The following ACKR2 variants were observed in gnomAD, a reference collection of about 807,000 sequenced individuals.
ACKR2 encodes the protein C-C chemokine receptor D6.
For synonymous variants in ACKR2, 207 were observed against 192.2 expected, an observed-to-expected ratio of 1.08 and a Z score of -0.64; for missense variants, 457 against 477.3, an observed-to-expected ratio of 0.96 and a Z score of 0.40.
At chr3:42,821,120 G>T (rs909360942) in intron 2 of ACKR2, among the ~76,000 whole-genome samples, 1 of 152,098 alleles carries the variant, frequency 6.6e-6, no homozygotes, top group Non-Finnish European at 1.5e-5. Context: ...GCCTGACCTC[G>T]TGATCCACCC....
chr3:42,851,452 C>T, intron 2 of ACKR2: 1 of 985,332 alleles, frequency 1.0e-6, no homozygotes, highest in Non-Finnish European at 1.2e-6. Flanking sequence ...CATTCTGGCT[C>T]CGGTAGGTTA....
intron 2 of ACKR2, among the ~76,000 whole-genome samples, chr3:42,848,529 T>G (rs548010697): frequency 2.0e-4 from 30 of 152,234 alleles, no homozygotes; most frequent in Non-Finnish European, 2.8e-4. Flanking sequence ...AGCTCTTTCT[T>G]ATAATAGAAT....
At chr3:42,840,898 C>T (rs532379189) in intron 2 of ACKR2, among the ~76,000 whole-genome samples, 3 of 152,270 alleles carry the variant, frequency 2.0e-5, no homozygotes, top group East Asian at 1.9e-4. Flanking sequence ...TCATGTTGGC[C>T]AGACTGGTCT....
At chr3:42,856,093 TG>T in intron 2 of ACKR2, 1 of 411,532 alleles carries the variant, frequency 2.4e-6, no homozygotes, top group Non-Finnish European at 4.3e-6. Context: ...GTGTCCTTAC[TG>T]CTGCCCAGAA....
At chr3:42,833,342 TTTTG>T (rs147249738) in intron 2 of ACKR2, among the ~76,000 whole-genome samples, 79 of 152,270 alleles carry the variant, frequency 5.2e-4, no homozygotes, top group Non-Finnish European at 1.1e-3. Flanking sequence ...CAATGAGATA[TTTTG>T]TTTATTTTTA....
At chr3:42,812,943 C>T (rs1700710910) in intron 1 of ACKR2, among the ~76,000 whole-genome samples, 1 of 152,094 alleles carries the variant, frequency 6.6e-6, no homozygotes, top group Admixed American at 6.5e-5. Flanking sequence ...CCTGCCTCAG[C>T]CTCCCAAAGT....
intron 2 of ACKR2, chr3:42,856,313 G>T: frequency 1.4e-6 from 1 of 697,082 alleles, no homozygotes; most frequent in Admixed American, 2.1e-5. Flanking sequence ...AGGAGCCCAA[G>T]GGTGGGGCAG....
At chr3:42,828,090 A>ATTTTTTT (rs200255129) in intron 2 of ACKR2, among the ~76,000 whole-genome samples, 7 of 91,866 alleles carry the variant, frequency 7.6e-5, no homozygotes, top group Admixed American at 1.8e-4. Context: ...ATATATATAT[A>ATTTTTTT]TATTTTTTTT....
At chr3:42,821,827 G>A (rs543194282) in intron 2 of ACKR2, among the ~76,000 whole-genome samples, 1 of 152,096 alleles carries the variant, frequency 6.6e-6, no homozygotes, top group Non-Finnish European at 1.5e-5. Context: ...CTCCCGAGTA[G>A]CTGGGACTAC....
In ACKR2 at chr3:42,866,167, TC is replaced by T. The variant is rs2088433968; in HGVS notation, c.*511del. 1 of 130,700 alleles carries T rather than the reference TC, an allele frequency of 7.7e-6. No homozygotes were observed. Among genetic ancestry groups the T allele is most frequent in the Admixed American group, 9.1e-5 (1 of 11,024 alleles). 8.1% of individuals were successfully genotyped at this position (130,700 alleles called of 1,614,324 possible). A position where few individuals can be genotyped will look rare whatever the true frequency, so the allele number is the denominator to read the frequency against. On this transcript the variant is annotated 3_prime_UTR_variant, in exon 3 of 3. Coordinates refer to ENST00000422265, the MANE Select transcript of ACKR2 (RefSeq NM_001296.5). ...AATTTTTGTATTTTTTTTCTTTCTTTCTTTCTTTTCTTTTTTTTTTTTTTTT... is the reference window on the plus strand; with the variant it reads ...AATTTTTGTATTTTTTTTCTTTCTTTTTTCTTTTCTTTTTTTTTTTTTTTT...
At chr3:42,832,246 T>C (rs1483044814) in intron 2 of ACKR2, among the ~76,000 whole-genome samples, 2 of 152,094 alleles carry the variant, frequency 1.3e-5, no homozygotes, top group African/African-American at 4.8e-5. Flanking sequence ...CCCAGCACTT[T>C]GGGAGGCTGA....
Position 42,865,694 on chromosome 3 carries a change from C to G in ACKR2, c.*37C>G, listed in dbSNP as rs1361667857. 4 of 1,536,860 alleles carry G rather than the reference C, an allele frequency of 2.6e-6. No individual in the cohort carries two copies. Among genetic ancestry groups the G allele is most frequent in the Non-Finnish European group, 3.5e-6 (4 of 1,130,516 alleles). On this transcript the variant is annotated 3_prime_UTR_variant, in exon 3 of 3. Transcript: ENST00000422265. ...TTGGTCTGGTGGGAACAGATGGGAA[C>G]CAGCTCAATTGGGTGTCCACTCAAA... is the stretch of plus-strand genomic sequence containing the variant.
chr3:42,817,711 T>TC (rs1169563486), intron 1 of ACKR2, among the ~76,000 whole-genome samples: 2 of 151,852 alleles, frequency 1.3e-5, no homozygotes, highest in Non-Finnish European at 1.5e-5. Flanking sequence ...TCCCACATCT[T>TC]CCCCCCAACC....
intron 1 of ACKR2, among the ~76,000 whole-genome samples, chr3:42,817,532 G>C (rs1349103407): frequency 6.6e-6 from 1 of 152,038 alleles, no homozygotes; most frequent in Non-Finnish European, 1.5e-5. Context: ...CATTGAATCT[G>C]TCAGCTTTTT....
At chr3:42,831,742 T>A (rs1293948639) in intron 2 of ACKR2, among the ~76,000 whole-genome samples, 1 of 152,236 alleles carries the variant, frequency 6.6e-6, no homozygotes, top group Non-Finnish European at 1.5e-5. Flanking sequence ...AGAGTTCTCT[T>A]CAATTCTCTT....
At position 42,816,708 on chromosome 3, in the gene ACKR2, C is replaced by T. The variant is rs558218017; in HGVS notation, c.-118-2923C>T. Among the ~76,000 whole-genome samples the T allele has an allele frequency of 3.3e-5, 5 of 152,066 alleles. No individual in the cohort carries two copies. In the East Asian group the frequency reaches 9.7e-4, roughly 29 times the overall value. On this transcript the variant is annotated intron_variant, in intron 1 of 2. Coordinates refer to ENST00000422265, the MANE Select transcript of ACKR2 (RefSeq NM_001296.5). ...AGTAGCTGGGATTACAGGTGTTTGC[C>T]ACCACACCTGGCTATTTTTTTCTAT... is the stretch of plus-strand genomic sequence containing the variant.
At chr3:42,821,221 T>C (rs1328196450) in intron 2 of ACKR2, among the ~76,000 whole-genome samples, 1 of 152,192 alleles carries the variant, frequency 6.6e-6, no homozygotes, top group African/African-American at 2.4e-5. Context: ...CTGTTACGAT[T>C]TCTGGCTAAT....
chr3:42,823,479 C>G (rs1335562828), intron 2 of ACKR2, among the ~76,000 whole-genome samples: 1 of 152,184 alleles, frequency 6.6e-6, no homozygotes, highest in Admixed American at 6.5e-5. Context: ...TGTCAGCCTT[C>G]GTGTCTCCAG....
At chr3:42,851,594 T>G in intron 2 of ACKR2, 1 of 211,314 alleles carries the variant, frequency 4.7e-6, no homozygotes, top group Non-Finnish European at 8.2e-6. Context: ...GAGCTTTCTC[T>G]CCAGGGCAGC....
Sources: allele counts gnomAD v4.1 joint callset (sites outside exome capture counted in the v4.1 genomes callset), GRCh38; gene constraint gnomAD v4.1.1; transcripts MANE v1.5; gene names NCBI Gene and HGNC (gene_info 2026-07-23, HGNC 2026-07-21).